Variants in TENM2 observed in about 807,000 individuals in gnomAD.
TENM2 encodes the protein teneurin-2.
Under a neutral mutation model 245.2 loss-of-function variants are expected in TENM2, and 52 were observed. The observed-to-expected ratio is 0.21, with a 90% CI of 0.17 to 0.27. The LOEUF (loss-of-function observed/expected upper bound fraction) is 0.27. TENM2 is among the 10% of genes least tolerant of loss of function. The pLI, the probability that TENM2 is intolerant of heterozygous loss-of-function variation, is 1.00. For synonymous variants in TENM2, 1,363 were observed against 1,438.9 expected, an observed-to-expected ratio of 0.95 and a Z score of 1.19; for missense variants, 3,046 against 3,666.8, an observed-to-expected ratio of 0.83 and a Z score of 4.37.
chr5:167,361,310 T>C (rs1759700540), intron 1 of TENM2, among the ~76,000 whole-genome samples: 3 of 152,166 alleles, frequency 2.0e-5, no homozygotes, highest in Admixed American at 2.0e-4. Flanking sequence ...CAAATCCTCT[T>C]TTTTTCCTAA....
At chr5:168,164,446 C>T (rs891932) in intron 13 of TENM2, among the ~76,000 whole-genome samples, 87,939 of 151,820 alleles carry the variant, frequency 0.58, 28,174 homozygotes, top group African/African-American at 0.88. Context: ...TATTGGAATA[C>T]AGCCATGCCC....
chr5:168,040,396 T>C (rs992278970), intron 5 of TENM2, among the ~76,000 whole-genome samples: 5 of 152,178 alleles, frequency 3.3e-5, no homozygotes, highest in Admixed American at 1.3e-4. Flanking sequence ...TTGCAACCAT[T>C]TGGAGCTGCA....
intron 1 of TENM2, among the ~76,000 whole-genome samples, chr5:167,346,720 A>G (rs1758478081): frequency 6.6e-6 from 1 of 152,130 alleles, no homozygotes; most frequent in Non-Finnish European, 1.5e-5. Flanking sequence ...TTGTACGCAC[A>G]GCAAGGAATG....
chr5:167,698,667 GT>G (rs1757928488), intron 2 of TENM2, among the ~76,000 whole-genome samples: 1 of 118,670 alleles, frequency 8.4e-6, no homozygotes, highest in Admixed American at 8.4e-5. Flanking sequence ...TGTGTGTTTT[GT>G]TTTGTTTTTT....
intron 3 of TENM2, among the ~76,000 whole-genome samples, chr5:167,935,330 T>C (rs1310320362): frequency 6.6e-6 from 1 of 152,196 alleles, no homozygotes; most frequent in Non-Finnish European, 1.5e-5. Flanking sequence ...CTCTCTTTTC[T>C]GTGAGTTCCC....
chr5:167,832,405 G>A lies in TENM2; in HGVS notation c.503-43581G>A, dbSNP rs563258511. On this transcript the variant is annotated intron_variant, in intron 2 of 28. Transcript: ENST00000518659. ...GTGTAGACCATGTGAAAGACCCCCAGCTTTGCTGTTGAGCTACCACAAGGT... is the reference window on the plus strand; with the variant it reads ...GTGTAGACCATGTGAAAGACCCCCAACTTTGCTGTTGAGCTACCACAAGGT... Among the ~76,000 whole-genome samples the A allele has an allele frequency of 3.4e-4, 52 of 152,354 alleles. 1 individual carries two copies. The South Asian group carries it at 6.8e-3, about 20-fold the overall frequency.
chr5:167,870,628 T>TAC (rs1239358598), intron 2 of TENM2, among the ~76,000 whole-genome samples: 2 of 147,754 alleles, frequency 1.4e-5, no homozygotes, highest in African/African-American at 2.5e-5. Flanking sequence ...TGTATATATA[T>TAC]ACACACACAC....
At chr5:167,055,526 T>C in the TENM2 span, among the ~76,000 whole-genome samples, 4 of 152,218 alleles carry the variant, frequency 2.6e-5, no homozygotes, top group African/African-American at 9.6e-5. Context: ...AGATTGAGTT[T>C]TCCTATCCAT....
intron 2 of TENM2, among the ~76,000 whole-genome samples, chr5:167,847,852 C>CT (rs557336000): frequency 2.0e-5 from 3 of 152,224 alleles, no homozygotes; most frequent in East Asian, 1.9e-4. Context: ...ACTCCAAAGC[C>CT]TTTTTTTATA....
the TENM2 span, among the ~76,000 whole-genome samples, chr5:167,272,681 C>T: frequency 6.6e-6 from 1 of 152,096 alleles, no homozygotes; most frequent in Non-Finnish European, 1.5e-5. Flanking sequence ...TCACATCCAT[C>T]CCCACTTAGA....
chr5:167,309,411 CT>C (rs2127751015), intron 1 of TENM2, among the ~76,000 whole-genome samples: 1 of 152,286 alleles, frequency 6.6e-6, no homozygotes, highest in East Asian at 1.9e-4. Flanking sequence ...CGAAAATGCA[CT>C]TTTGACTGAA....
At chr5:167,078,774 G>T in the TENM2 span, among the ~76,000 whole-genome samples, 1 of 152,062 alleles carries the variant, frequency 6.6e-6, no homozygotes, top group African/African-American at 2.4e-5. Context: ...TCTGTTTAAA[G>T]ACATCTTATT....
the TENM2 span, among the ~76,000 whole-genome samples, chr5:167,000,049 GAT>G: frequency 6.6e-6 from 1 of 152,276 alleles, no homozygotes; most frequent in East Asian, 1.9e-4. Context: ...AGGACGCTGT[GAT>G]TGTGTTAGAT....
chr5:167,877,266 A>G (rs899056859), intron 3 of TENM2, among the ~76,000 whole-genome samples: 2 of 152,188 alleles, frequency 1.3e-5, no homozygotes, highest in Non-Finnish European at 2.9e-5. Context: ...AACCTCTACA[A>G]TTAGAGAGGA....
chr5:168,192,849 T>C (rs2152514631), intron 14 of TENM2, among the ~76,000 whole-genome samples: 1 of 152,328 alleles, frequency 6.6e-6, no homozygotes, highest in East Asian at 1.9e-4. Context: ...TGAAAATGCA[T>C]CCTCTGAAGG....
intron 2 of TENM2, among the ~76,000 whole-genome samples, chr5:167,419,129 GTAGA>G (rs55794859): frequency 5.3e-4 from 79 of 150,388 alleles, no homozygotes; most frequent in African/African-American, 1.6e-3. Flanking sequence ...AGATGTGTAT[GTAGA>G]TAGATAGATA....
chr5:167,205,106 C>T, the TENM2 span, among the ~76,000 whole-genome samples: 8 of 152,260 alleles, frequency 5.3e-5, no homozygotes, highest in East Asian at 9.7e-4. Flanking sequence ...CTTGGCCTGT[C>T]GCCTTGGCTC....
the TENM2 span, among the ~76,000 whole-genome samples, chr5:166,996,701 G>A: frequency 6.6e-6 from 1 of 152,148 alleles, no homozygotes; most frequent in African/African-American, 2.4e-5. Flanking sequence ...TTATGTTTTT[G>A]GATTCTTAAC....
intron 2 of TENM2, among the ~76,000 whole-genome samples, chr5:167,790,362 G>A (rs1444447893): frequency 1.3e-5 from 2 of 152,150 alleles, no homozygotes; most frequent in Non-Finnish European, 2.9e-5. Flanking sequence ...AAAGGAACAT[G>A]CCCACTGAAA....
Sources: gnomAD v4.1 joint callset for allele counts (sites outside exome capture counted in the v4.1 genomes callset) on GRCh38, gnomAD v4.1.1 for gene constraint, MANE v1.5 for transcripts, NCBI Gene and HGNC (gene_info 2026-07-23, HGNC 2026-07-21) for gene names.